The following ARHGAP6 variants were observed in gnomAD, a reference collection of about 807,000 sequenced individuals.
The protein encoded by ARHGAP6 is rho GTPase-activating protein 6.
A neutral mutation model predicts 55.7 loss-of-function variants in ARHGAP6; 16 were observed. That is an observed-to-expected ratio of 0.29 (90% CI 0.19 to 0.44). The LOEUF (loss-of-function observed/expected upper bound fraction) is 0.44, where lower values mean the gene tolerates loss of function less well. Among genes scored for constraint, ARHGAP6 ranks in the 20% least tolerant of loss-of-function variants. The pLI is 1.00. For synonymous variants in ARHGAP6, 382 were observed against 360.9 expected, an observed-to-expected ratio of 1.06 and a Z score of -0.66; for missense variants, 698 against 808.9, an observed-to-expected ratio of 0.86 and a Z score of 1.66.
chrX:11,337,100 C>A (rs954985600), intron 1 of ARHGAP6, among the ~76,000 whole-genome samples: 2 of 110,173 alleles, frequency 1.8e-5, no homozygotes, highest in African/African-American at 3.3e-5. Flanking sequence ...CTCAGACCCT[C>A]CTGGGAATAT....
At chrX:11,480,492 A>T (rs1281124114) in intron 1 of ARHGAP6, among the ~76,000 whole-genome samples, 1 of 110,640 alleles carries the variant, frequency 9.0e-6, no homozygotes, top group Non-Finnish European at 1.9e-5. Context: ...ATGGATATGG[A>T]GTTTCTTTGT....
chrX:11,398,577 C>A (rs767147430), intron 1 of ARHGAP6, among the ~76,000 whole-genome samples: 2 of 111,930 alleles, frequency 1.8e-5, no homozygotes, highest in African/African-American at 6.5e-5. Flanking sequence ...TTTGGCATGG[C>A]TGGCATAGAC....
rs772268251 is a variant in ARHGAP6, at chrX:11,155,626, A to G, written c.1907+903T>C. 4.6e-4 allele frequency among the ~76,000 whole-genome samples: 51 copies of G among 112,023 alleles called. 1 individual carries two copies. Among genetic ancestry groups the G allele is most frequent in the Non-Finnish European group, 9.4e-5 (5 of 53,249 alleles). ...ATCATTGGTTATAAGATTAGTCTCA[A>G]TTTCAGAGATCATAGGTCATGGGAG... On this transcript the variant is annotated intron_variant, in intron 10 of 12. Transcript: ENST00000337414.
chrX:11,323,866 C>CAAAAAAAAAA (rs61462099), intron 1 of ARHGAP6, among the ~76,000 whole-genome samples: 33 of 40,012 alleles, frequency 8.2e-4, no homozygotes, highest in South Asian at 1.8e-3. Context: ...ACCCCCATTT[C>CAAAAAAAAAA]AAAAAAAAAA....
chrX:11,361,473 C>A (rs1451093454), intron 1 of ARHGAP6, among the ~76,000 whole-genome samples: 5 of 111,293 alleles, frequency 4.5e-5, no homozygotes, highest in Non-Finnish European at 9.4e-5. Context: ...GAAACTGCAT[C>A]CCTTCCTTAC....
chrX:11,276,953 T>C (rs1367575722), intron 1 of ARHGAP6, among the ~76,000 whole-genome samples: 1 of 111,649 alleles, frequency 9.0e-6, no homozygotes, highest in Non-Finnish European at 1.9e-5. Context: ...AGTATACTCA[T>C]AGATAGTGTA....
intron 1 of ARHGAP6, among the ~76,000 whole-genome samples, chrX:11,308,948 C>G (rs1381922818): frequency 8.9e-6 from 1 of 111,764 alleles, no homozygotes; most frequent in Non-Finnish European, 1.9e-5. Context: ...TTCCAATAAG[C>G]CTGGTTTGAA....
intron 1 of ARHGAP6, among the ~76,000 whole-genome samples, chrX:11,613,108 C>T (rs1601698558): frequency 1.8e-5 from 2 of 112,419 alleles, no homozygotes; most frequent in Admixed American, 9.4e-5. Flanking sequence ...CTAATCTACT[C>T]GCTCTATCCC....
At chrX:11,167,335 A>ATGTG (rs1052279159) in intron 9 of ARHGAP6, among the ~76,000 whole-genome samples, 2 of 109,228 alleles carry the variant, frequency 1.8e-5, no homozygotes, top group Non-Finnish European at 3.8e-5. Flanking sequence ...GGGAGTGATG[A>ATGTG]TGTGTGTGTG....
rs1416544630 is a variant in ARHGAP6, at chrX:11,209,066, T to C, written c.749-12070A>G. Among the ~76,000 whole-genome samples the C allele has an allele frequency of 2.7e-5, 3 of 112,178 alleles. No homozygotes were observed. In the South Asian group the frequency reaches 1.1e-3, roughly 42 times the overall value. ...AACACACAACTCTTTATAATACCCA[T>C]GTAGAATAAAAGTAAAGAAAAAATA... On this transcript the variant is annotated intron_variant, in intron 2 of 12. Coordinates refer to ENST00000337414, the MANE Select transcript of ARHGAP6 (RefSeq NM_013427.3).
intron 1 of ARHGAP6, among the ~76,000 whole-genome samples, chrX:11,576,151 CTACATTGT>C (rs1407959010): frequency 2.7e-5 from 3 of 111,791 alleles, no homozygotes; most frequent in Non-Finnish European, 5.6e-5. Flanking sequence ...AATGGGATCC[CTACATTGT>C]TTACAGTGAG....
intron 1 of ARHGAP6, among the ~76,000 whole-genome samples, chrX:11,612,696 T>C (rs1183352906): frequency 8.9e-6 from 1 of 112,517 alleles, no homozygotes; most frequent in Non-Finnish European, 1.9e-5. Flanking sequence ...GTCAAAGACA[T>C]TTCTTATATG....
At chrX:11,454,425 C>T (rs773577822) in intron 1 of ARHGAP6, among the ~76,000 whole-genome samples, 1 of 111,854 alleles carries the variant, frequency 8.9e-6, no homozygotes, top group East Asian at 2.8e-4. Context: ...TAATTTTAAG[C>T]CCCTTAAATA....
chrX:11,346,307 G>A (rs2048783442), intron 1 of ARHGAP6, among the ~76,000 whole-genome samples: 1 of 111,623 alleles, frequency 9.0e-6, no homozygotes, highest in African/African-American at 3.3e-5. Flanking sequence ...ATTATCTATG[G>A]CTTCTTTCAG....
At chrX:11,426,342 C>T (rs1361792928) in intron 1 of ARHGAP6, among the ~76,000 whole-genome samples, 1 of 107,807 alleles carries the variant, frequency 9.3e-6, no homozygotes. Context: ...ACCTCTACTC[C>T]TTTCTTCAAA....
chrX:11,268,013 C>CAA (rs2047649239), intron 1 of ARHGAP6, among the ~76,000 whole-genome samples: 2 of 112,098 alleles, frequency 1.8e-5, no homozygotes, highest in African/African-American at 6.5e-5. Context: ...GCTGAGAGCA[C>CAA]AATGGTCATT....
intron 10 of ARHGAP6, chrX:11,148,671 A>G: frequency 2.7e-6 from 1 of 375,511 alleles, no homozygotes; most frequent in Non-Finnish European, 5.2e-6. Flanking sequence ...ACATGCTGGC[A>G]GGGTACTGTG....
In ARHGAP6 at chrX:11,597,820, T is replaced by A. The variant is rs142664563; in HGVS notation, c.588+66421A>T. Among the ~76,000 whole-genome samples the A allele has an allele frequency of 9.9e-5, 11 of 111,273 alleles. No homozygotes were observed. In the South Asian group the frequency reaches 3.8e-3, roughly 38 times the overall value. On this transcript the variant is annotated intron_variant, in intron 1 of 12. Transcript: ENST00000337414. ...AAAGTGTGTTTTGTTTGTGAAAAAA[T>A]TGAGGAGAGGATAGAGAGTTGGGGC...
intron 1 of ARHGAP6, among the ~76,000 whole-genome samples, chrX:11,281,712 A>G (rs1335139342): frequency 1.8e-5 from 2 of 111,668 alleles, no homozygotes; most frequent in Admixed American, 9.5e-5. Context: ...ATATTCTCAA[A>G]TGGTTATTAG....
Sources: gnomAD v4.1 joint callset for allele counts (sites outside exome capture counted in the v4.1 genomes callset) on GRCh38, gnomAD v4.1.1 for gene constraint, MANE v1.5 for transcripts, NCBI Gene and HGNC (gene_info 2026-07-23, HGNC 2026-07-21) for gene names.